LMNTD2: variants seen among roughly 807,000 people sequenced by gnomAD.
LMNTD2 encodes lamin tail domain containing 2.
In LMNTD2, 83 loss-of-function variants were observed where a neutral mutation model predicts 70.1. The ratio of observed to expected loss-of-function variants is 1.18; its 90% confidence interval spans 0.99 to 1.42. The LOEUF (loss-of-function observed/expected upper bound fraction) is 1.42. LMNTD2 is among the 40% of genes most tolerant of loss of function. The pLI is 0.00. For synonymous variants in LMNTD2, 534 were observed against 406.1 expected, an observed-to-expected ratio of 1.31 and a Z score of -3.79; for missense variants, 1,153 against 905.9, an observed-to-expected ratio of 1.27 and a Z score of -3.50.
rs1215337297 is a variant in LMNTD2 at position 560,699 on chromosome 11, G to T, written c.18C>A (p.Pro6=). 5.5e-6 allele frequency: 8 copies of T among 1,442,946 alleles called. No individual in the cohort carries two copies. The highest frequency in any genetic ancestry group is 6.4e-6 in the Non-Finnish European group (7 of 1,090,914). The allele number at this position is 1,442,946 out of a possible 1,614,324, so 89.4% of individuals were successfully genotyped here. The change falls in exon 1 of 14, where the codon CCC becomes CCA. Residue 6 remains proline, a synonymous_variant. Coordinates refer to ENST00000329451, the MANE Select transcript of LMNTD2 (RefSeq NM_173573.3). ...GACACCTACCCCGACGCCTGCCCGC[G>T]GGCCGCAGCCACCGCATTTCCGCGT... is the stretch of plus-strand genomic sequence containing the variant. MRWLR[P]AGRRREQESV... is the part of the protein sequence containing the mutation.
rs769251801 is a variant in LMNTD2 at position 556,899 on chromosome 11, C to T, written c.912G>A (p.Arg304=). The T allele has an allele frequency of 6.3e-7, 1 of 1,593,842 alleles. No homozygotes were observed. Among genetic ancestry groups the T allele is most frequent in the South Asian group, 1.1e-5 (1 of 88,930 alleles). ...SFVQVIGHPP[R]DHRASSEQAL... is the part of the protein sequence containing the mutation. The stretch of plus-strand genomic sequence containing the variant: ...CTTGCTCGGAGGAAGCGCGGTGGTC[C>T]CGGGGCGGGTGCCCTATCACCTGCA... The change falls in exon 8 of 14, where the codon CGG becomes CGA. Residue 304 remains arginine, a synonymous_variant. Transcript: ENST00000329451.
rs757820768 is a variant in LMNTD2, at chr11:556,095, G to A, written c.1278C>T (p.Arg426=). The part of the protein sequence containing the change: ...HHVTVWGEAT[R]SAKKPLRASS... ...ACGCGCGCAGCGGCTTCTTGGCGCT[G>A]CGGGTCGCCTCGCCCCAGACCTGGA... Residue 426 remains arginine, a synonymous_variant, in exon 11 of 14, where the codon CGC becomes CGT. Coordinates refer to ENST00000329451, the MANE Select transcript of LMNTD2 (RefSeq NM_173573.3). The A allele has an allele frequency of 7.2e-6, 11 of 1,527,624 alleles. No individual in the cohort carries two copies. Among genetic ancestry groups the A allele is most frequent in the Non-Finnish European group, 9.6e-6 (11 of 1,148,232 alleles). 94.6% of individuals were successfully genotyped at this position (1,527,624 alleles called of 1,614,324 possible). A position where few individuals can be genotyped will look rare whatever the true frequency, so the allele number is the denominator to read the frequency against.
At chr11:557,274 G>T in intron 7 of LMNTD2, 125 bp downstream of exon 7, 1 of 1,365,378 alleles carries the variant, frequency 7.3e-7, no homozygotes, top group African/African-American at 1.4e-5. Context: ...ATCAGAGAAC[G>T]CGCATTGGAA....
chr11:556,114 A>G lies in LMNTD2; in HGVS notation c.1259T>C (p.Val420Ala), dbSNP rs1475998342. 1 of 1,472,774 alleles carries G rather than the reference A, an allele frequency of 6.8e-7. No homozygotes were observed. The allele number at this position is 1,472,774 out of a possible 1,614,324, so 91.2% of individuals were successfully genotyped here. A position where few individuals can be genotyped will look rare whatever the true frequency, so the allele number is the denominator to read the frequency against. ...TLLAPRHHVT[V>A]WGEATRSAKK... is the part of the protein sequence containing the mutation. ...GGCGCTGCGGGTCGCCTCGCCCCAG[A>G]CCTGGAGGGGCGTGGAGCGGCGGGT... Residue 420 changes from valine to alanine, a missense_variant and splice_region_variant, in exon 11 of 14, where the codon GTC becomes GCC. Val to Ala is a moderately conservative substitution (Grantham distance 64). Transcript: ENST00000329451.
At position 555,585 on chromosome 11, in the gene LMNTD2, G is replaced by A. The variant is rs893112186; in HGVS notation, c.1575-82C>T. 20 of 1,287,736 alleles carry A rather than the reference G, an allele frequency of 1.6e-5. No individual in the cohort carries two copies. The African/African-American group carries it at 2.4e-4, about 15-fold the overall frequency. The allele number at this position is 1,287,736 out of a possible 1,614,324, so 79.8% of individuals were successfully genotyped here. A position where few individuals can be genotyped will look rare whatever the true frequency, so the allele number is the denominator to read the frequency against. ...GGCTCCGCGCCTGGGGCGGGGCAGG[G>A]GCCGCGGGGCGTACTGGAGGACCAG... is the stretch of plus-strand genomic sequence containing the variant. On this transcript the variant is annotated intron_variant, in intron 12 of 13. Coordinates refer to ENST00000329451, the MANE Select transcript of LMNTD2 (RefSeq NM_173573.3).
Position 556,234 on chromosome 11 carries a change from G to A in LMNTD2, c.1215C>T (p.Arg405=). 6.7e-7 allele frequency: 1 copy of A among 1,503,008 alleles called. No individual in the cohort carries two copies. 93.1% of individuals were successfully genotyped at this position (1,503,008 alleles called of 1,614,324 possible). A position where few individuals can be genotyped will look rare whatever the true frequency, so the allele number is the denominator to read the frequency against. ...GGGCCAGCAGCGTGCCCGGCGGGAAGCGGTACAGGCGCTCCGGGAAGCCGC... is the reference window on the plus strand; with the variant it reads ...GGGCCAGCAGCGTGCCCGGCGGGAAACGGTACAGGCGCTCCGGGAAGCCGC... ...LVRGFPERLY[R]FPPGTLLAPR... The change falls in exon 10 of 14, where the codon CGC becomes CGT. Residue 405 remains arginine (R), a synonymous_variant. Coordinates refer to ENST00000329451, the MANE Select transcript of LMNTD2 (RefSeq NM_173573.3).
Position 558,970 on chromosome 11 carries a change from G to T in LMNTD2, c.44C>A (p.Ser15Ter). The T allele has an allele frequency of 6.2e-7, 1 of 1,601,348 alleles. No individual in the cohort carries two copies. The highest frequency in any genetic ancestry group is 8.5e-7 in the Non-Finnish European group (1 of 1,179,674). The change falls in exon 2 of 14, where the codon TCG becomes TAG. Residue 15 changes from serine (S) to a stop codon, truncating the protein, a stop_gained. Transcript: ENST00000329451. LOFTEE classifies it high-confidence loss of function. The stretch of plus-strand genomic sequence containing the variant: ...TGGAGGTCCCAGGTGACCACTGACC[G>T]ACTCTTGCTCTGTGGGGGACAGGAG... ...RPAGRRREQE[S>*]VSGHLGPPAG...
intron 12 of LMNTD2, 110 bp from the exon 13 acceptor site, chr11:555,613 G>A (rs998420960): frequency 6.4e-6 from 8 of 1,257,956 alleles, no homozygotes; most frequent in Non-Finnish European, 8.2e-6. Flanking sequence ...AGGACCAGGG[G>A]GCGGCCGGGG....
intron 1 of LMNTD2, chr11:559,657 C>A: frequency 8.5e-7 from 1 of 1,175,698 alleles, no homozygotes; most frequent in South Asian, 1.6e-5. Context: ...CCCAGCATAG[C>A]CATGGGTGTG....
At position 558,984 on chromosome 11, in the gene LMNTD2, G is replaced by A. The variant is rs2134107116; in HGVS notation, c.35-5C>T. 6.3e-7 allele frequency: 1 copy of A among 1,599,408 alleles called. No homozygotes were observed. The highest frequency in any genetic ancestry group is 2.2e-5 in the East Asian group (1 of 44,846). On this transcript the variant is annotated splice_region_variant and splice_polypyrimidine_tract_variant and intron_variant, in intron 1 of 13. Coordinates refer to ENST00000329451, the MANE Select transcript of LMNTD2 (RefSeq NM_173573.3). ...GACCACTGACCGACTCTTGCTCTGTGGGGGACAGGAGAGCCTCTTCCTCGG... is the reference window on the plus strand; with the variant it reads ...GACCACTGACCGACTCTTGCTCTGTAGGGGACAGGAGAGCCTCTTCCTCGG...
intron 13 of LMNTD2, 28 bp from the exon 14 acceptor site, chr11:555,139 GC>G: frequency 2.0e-6 from 2 of 1,016,472 alleles, no homozygotes; most frequent in Middle Eastern, 3.4e-4. Context: ...TGAGAGGCGC[GC>G]GGGGCGGGGC....
Position 555,921 on chromosome 11 carries a change from C to A in LMNTD2, c.1387G>T (p.Glu463Ter). 6.4e-7 allele frequency: 1 copy of A among 1,562,960 alleles called. No homozygotes were observed. Among genetic ancestry groups the A allele is most frequent in the Non-Finnish European group, 8.6e-7 (1 of 1,161,074 alleles). ...GTCTCGCGGCGTGGGATCCGGTGCTCACTGAGGACCTGCGGGGCGCGTCGG... is the reference window on the plus strand; with the variant it reads ...GTCTCGCGGCGTGGGATCCGGTGCTAACTGAGGACCTGCGGGGCGCGTCGG... The part of the protein sequence containing the change: ...LLSPKGEVLS[E>*]HRIPRRETPA... The change falls in exon 12 of 14, where the codon GAG becomes TAG. Residue 463 changes from glutamate to a stop codon, truncating the protein, a stop_gained. Coordinates refer to ENST00000329451, the MANE Select transcript of LMNTD2 (RefSeq NM_173573.3). LOFTEE classifies it high-confidence loss of function.
chr11:557,766 G>A (rs1293570467), intron 5 of LMNTD2, 118 bp downstream of exon 5: 2 of 1,554,174 alleles, frequency 1.3e-6, no homozygotes, highest in Non-Finnish European at 1.7e-6. Context: ...GAGTTCCAGA[G>A]GCACCTGAGC....
At chr11:556,682 G>A (rs1391631373) in intron 8 of LMNTD2, 94 bp from the exon 9 acceptor site, 67 of 1,408,212 alleles carry the variant, frequency 4.8e-5, no homozygotes, top group Non-Finnish European at 5.8e-5. Context: ...AACGCCTGGC[G>A]GGGCAGGGAG....
Position 557,014 on chromosome 11 carries a change from T to G in LMNTD2, c.797A>C (p.Glu266Ala), listed in dbSNP as rs748784797. The change falls in exon 8 of 14, where the codon GAG becomes GCG. Residue 266 changes from glutamate to alanine, a missense_variant. Glu to Ala is a moderately radical substitution (Grantham distance 107). Coordinates refer to ENST00000329451, the MANE Select transcript of LMNTD2 (RefSeq NM_173573.3). ...GTTCAGACAGGGCAGGGAGCCCCAC[T>G]CCACGGTCTTGTGATGCCGCTCGGA... Reference protein sequence around the residue: ...KHSERHHKTVEWGSLPCLNTS... With the variant: ...KHSERHHKTVAWGSLPCLNTS... 1.2e-6 allele frequency: 2 copies of G among 1,609,424 alleles called. No individual in the cohort carries two copies. The highest frequency in any genetic ancestry group is 4.5e-5 in the East Asian group (2 of 44,820).
intron 13 of LMNTD2, 81 bp downstream of exon 13, chr11:555,210 AGGGGACGAGGAGAC>A (rs1852753002): frequency 2.2e-6 from 1 of 463,500 alleles, no homozygotes; most frequent in Non-Finnish European, 2.8e-6. Flanking sequence ...AGCGGAGGGG[AGGGGACGAGGAGAC>A]AGAGGGGAGG....
In LMNTD2 at chr11:555,880, G is replaced by A; in HGVS notation, c.1428C>T (p.Val476=). Reference sequence around the variant, plus strand: ...TGGACAAGTCGGTGCCGTCGGCGAAGACCCTCGGGGCCGGAGTCTCGCGGC... The same window carrying A: ...TGGACAAGTCGGTGCCGTCGGCGAAAACCCTCGGGGCCGGAGTCTCGCGGC... ...IPRRETPAPR[V]FADGTDLSID... Residue 476 remains valine, a synonymous_variant, in exon 12 of 14, where the codon GTC becomes GTT. Coordinates refer to ENST00000329451, the MANE Select transcript of LMNTD2 (RefSeq NM_173573.3). 2 of 1,565,010 alleles carry A rather than the reference G, an allele frequency of 1.3e-6. No individual in the cohort carries two copies. The highest frequency in any genetic ancestry group is 2.6e-5 in the East Asian group (1 of 38,688).
At chr11:560,649 G>A (rs1205542222) in intron 1 of LMNTD2, 34 bp downstream of exon 1, 4 of 1,389,252 alleles carry the variant, frequency 2.9e-6, no homozygotes, top group South Asian at 3.0e-5. Context: ...AGGCTGCTGA[G>A]GAAGTCGGCC....
At position 558,136 on chromosome 11, in the gene LMNTD2, C is replaced by T. The variant is rs182417172; in HGVS notation, c.399+25G>A. 26 of 1,611,798 alleles carry T rather than the reference C, an allele frequency of 1.6e-5. No homozygotes were observed. In the African/African-American group the frequency reaches 3.3e-4, roughly 21 times the overall value. Reference sequence around the variant, plus strand: ...CTGGCTCCCCAACACCAGGACCCTGCCCACTCCCTGTGCCCCTGCCTCACC... The same window carrying T: ...CTGGCTCCCCAACACCAGGACCCTGTCCACTCCCTGTGCCCCTGCCTCACC... On this transcript the variant is annotated intron_variant, in intron 4 of 13. Coordinates refer to ENST00000329451, the MANE Select transcript of LMNTD2 (RefSeq NM_173573.3).
Sources: allele counts gnomAD v4.1 joint callset, GRCh38; gene constraint gnomAD v4.1.1; transcripts MANE v1.5; gene names NCBI Gene and HGNC (gene_info 2026-07-23, HGNC 2026-07-21).